Variants in TP63 observed in about 807,000 individuals in gnomAD.
TP63 encodes the protein tumor protein 63.
In TP63, 17 loss-of-function variants were observed where a neutral mutation model predicts 82.8. The ratio of observed to expected loss-of-function variants is 0.21; its 90% CI spans 0.14 to 0.31. The LOEUF is 0.31. TP63 is among the 10% of genes least tolerant of loss of function. TP63 has a pLI of 1.00. For missense variants in TP63, 648 were observed against 895.3 expected (o/e 0.72, Z 3.52); for synonymous variants, 330 against 321.7 (o/e 1.03, Z -0.28).
chr3:189,802,638 G>T (rs545112930), intron 3 of TP63, among the ~76,000 whole-genome samples: 40 of 152,172 alleles, frequency 2.6e-4, no homozygotes, highest in Non-Finnish European at 5.0e-4. Flanking sequence ...TAGTGGCAGT[G>T]TTGGGACTTA....
intron 4 of TP63, among the ~76,000 whole-genome samples, chr3:189,851,300 C>T (rs1207807349): frequency 2.6e-5 from 4 of 152,144 alleles, no homozygotes; most frequent in East Asian, 3.9e-4. Flanking sequence ...GGCTCACACT[C>T]GTAATCCCAG....
At chr3:189,777,622 C>T (rs1723899328) in intron 3 of TP63, among the ~76,000 whole-genome samples, 1 of 151,742 alleles carries the variant, frequency 6.6e-6, no homozygotes. Flanking sequence ...AAGGATTCAA[C>T]TCCTTATCTC....
In TP63 at chr3:189,875,593, CATATATAT is replaced by C. The variant is rs774764336; in HGVS notation, c.1349+2636_1349+2643del. Reference sequence around the variant, plus strand: ...AAAGAAAAAGAAAAAAAAATACATACATATATATATATATATATATATATATATATATA... The same window carrying C: ...AAAGAAAAAGAAAAAAAAATACATACATATATATATATATATATATATATA... On this transcript the variant is annotated intron_variant, in intron 10 of 13. Coordinates refer to ENST00000264731, the MANE Select transcript of TP63 (RefSeq NM_003722.5). Among the ~76,000 whole-genome samples, 18 of 40,762 alleles carry C rather than the reference CATATATAT, an allele frequency of 4.4e-4. No individual in the cohort carries two copies. In the East Asian group the frequency reaches 4.8e-3, roughly 11 times the overall value. 26.7% of individuals were successfully genotyped at this position (40,762 alleles called of 152,430 possible). A position where few individuals can be genotyped will look rare whatever the true frequency, so the allele number is the denominator to read the frequency against.
At chr3:189,607,503 T>G in the TP63 span, among the ~76,000 whole-genome samples, 1 of 152,130 alleles carries the variant, frequency 6.6e-6, no homozygotes, top group Non-Finnish European at 1.5e-5. Flanking sequence ...TTTTCCTAGT[T>G]GTGAAATTTT....
At chr3:189,718,566 A>G (rs980567160) in intron 1 of TP63, among the ~76,000 whole-genome samples, 1 of 151,080 alleles carries the variant, frequency 6.6e-6, no homozygotes, top group Admixed American at 6.6e-5. Context: ...CTCCCCTGAC[A>G]TGTGAGGACA....
Position 189,864,468 on chromosome 3 carries a change from T to A in TP63, c.766+50T>A. On this transcript the variant is annotated intron_variant, in intron 5 of 13. Coordinates refer to ENST00000264731, the MANE Select transcript of TP63 (RefSeq NM_003722.5). ...TGTTCAACCTCCTTGAAGGTCAAGA[T>A]TCTGTGGGCATTTTTGTTTGAGACC... 1.3e-6 allele frequency: 2 copies of A among 1,570,932 alleles called. 1 individual carries two copies. The highest frequency in any genetic ancestry group is 2.4e-5 in the South Asian group (2 of 84,936).
intron 1 of TP63, among the ~76,000 whole-genome samples, chr3:189,669,412 C>A (rs1416174041): frequency 6.7e-6 from 1 of 150,256 alleles, no homozygotes; most frequent in Admixed American, 6.6e-5. Context: ...GGAAATTATA[C>A]CAGACAAAAA....
chr3:189,662,476 T>A (rs1023909479), intron 1 of TP63, among the ~76,000 whole-genome samples: 1 of 152,038 alleles, frequency 6.6e-6, no homozygotes, highest in Non-Finnish European at 1.5e-5. Context: ...AGACTTGCTA[T>A]ATGGTTAAGT....
chr3:189,674,370 C>T (rs1224838445), intron 1 of TP63, among the ~76,000 whole-genome samples: 1 of 152,008 alleles, frequency 6.6e-6, no homozygotes, highest in Non-Finnish European at 1.5e-5. Flanking sequence ...CTGGTTCCCT[C>T]AAAAACAGAA....
At chr3:189,654,060 A>C (rs1713117081) in intron 1 of TP63, among the ~76,000 whole-genome samples, 1 of 152,188 alleles carries the variant, frequency 6.6e-6, no homozygotes, top group Admixed American at 6.5e-5. Flanking sequence ...TGTTATTCTC[A>C]GTAAATACTG....
intron 3 of TP63, among the ~76,000 whole-genome samples, chr3:189,792,997 A>G (rs1230485042): frequency 1.3e-5 from 2 of 152,054 alleles, no homozygotes; most frequent in South Asian, 2.1e-4. Flanking sequence ...AAGCTGTCCC[A>G]TGTTGTACTT....
intron 3 of TP63, among the ~76,000 whole-genome samples, chr3:189,746,199 C>T (rs1480490241): frequency 6.6e-6 from 1 of 151,712 alleles, no homozygotes; most frequent in Non-Finnish European, 1.5e-5. Flanking sequence ...AAGAGACCCC[C>T]ATCAGACAAA....
chr3:189,707,896 G>A (rs1718317964), intron 1 of TP63, among the ~76,000 whole-genome samples: 1 of 152,102 alleles, frequency 6.6e-6, no homozygotes, highest in African/African-American at 2.4e-5. Context: ...TACTATTTAT[G>A]TGGCATTGTA....
At chr3:189,875,438 C>T (rs556522564) in intron 10 of TP63, among the ~76,000 whole-genome samples, 2 of 150,758 alleles carry the variant, frequency 1.3e-5, no homozygotes, top group African/African-American at 4.9e-5. Context: ...AGGTGGCACG[C>T]ACCTGTAGTC....
At chr3:189,761,502 T>A (rs1165809742) in intron 3 of TP63, among the ~76,000 whole-genome samples, 1 of 142,580 alleles carries the variant, frequency 7.0e-6, no homozygotes, top group Non-Finnish European at 1.6e-5. Context: ...TCTCCACCTG[T>A]GACCACCTCA....
chr3:189,720,491 T>G (rs569277431), intron 1 of TP63, among the ~76,000 whole-genome samples: 12 of 152,022 alleles, frequency 7.9e-5, no homozygotes, highest in Admixed American at 1.3e-4. Flanking sequence ...TCCCAGCACT[T>G]TGGGAGGCTG....
chr3:189,675,011 G>C (rs1226277413), intron 1 of TP63, among the ~76,000 whole-genome samples: 1 of 152,090 alleles, frequency 6.6e-6, no homozygotes, highest in Non-Finnish European at 1.5e-5. Context: ...CAACTAGTTA[G>C]CTTATAGACA....
At chr3:189,767,663 G>A (rs888273546) in intron 3 of TP63, among the ~76,000 whole-genome samples, 3 of 152,096 alleles carry the variant, frequency 2.0e-5, no homozygotes, top group Admixed American at 1.3e-4. Context: ...GCTCATGGTT[G>A]GAAAACCGTG....
intron 3 of TP63, among the ~76,000 whole-genome samples, chr3:189,740,229 C>T (rs922316987): frequency 6.6e-6 from 1 of 152,148 alleles, no homozygotes; most frequent in African/African-American, 2.4e-5. Context: ...TCATTCAAGG[C>T]CTTGGACTAT....
Sources: allele counts gnomAD v4.1 joint callset (sites outside exome capture counted in the v4.1 genomes callset), GRCh38; gene constraint gnomAD v4.1.1; transcripts MANE v1.5; gene names NCBI Gene and HGNC (gene_info 2026-07-23, HGNC 2026-07-21).